The following EXOC6B variants were observed in gnomAD, a reference collection of about 807,000 sequenced individuals.
The protein encoded by EXOC6B is SEC15 homolog B.
Under a neutral mutation model 113.5 loss-of-function variants are expected in EXOC6B, and 54 were observed. The observed-to-expected ratio is 0.48, with a 90% confidence interval of 0.38 to 0.60. The LOEUF (loss-of-function observed/expected upper bound fraction) is 0.60. Ranked by LOEUF, EXOC6B falls within the 20% of genes least tolerant of loss-of-function variation. EXOC6B has a pLI of 0.00. For synonymous variants in EXOC6B, 357 were observed against 339.0 expected, an observed-to-expected ratio of 1.05 and a Z score of -0.58; for missense variants, 797 against 977.5, an observed-to-expected ratio of 0.82 and a Z score of 2.46.
intron 20 of EXOC6B, among the ~76,000 whole-genome samples, chr2:72,210,290 G>C (rs1680106693): frequency 6.6e-6 from 1 of 152,186 alleles, no homozygotes; most frequent in African/African-American, 2.4e-5. Flanking sequence ...AATTAATTAA[G>C]GAGCCAGATC....
At chr2:72,680,488 C>T (rs139906123) in intron 6 of EXOC6B, among the ~76,000 whole-genome samples, 5 of 152,238 alleles carry the variant, frequency 3.3e-5, no homozygotes, top group Middle Eastern at 3.4e-3. Context: ...GCCTGTAATC[C>T]CAGCACTTTG....
In EXOC6B at chr2:72,825,890, C is replaced by T. The variant is rs1163615292; in HGVS notation, c.21G>A (p.Ala7=). ...CCGCTGTCTCCAGGCTCTCCGCCTC[C>T]GCCATCTTACCCCGCTCCATAGACT... The part of the protein sequence containing the change: MERGKM[A]EAESLETAAE... Residue 7 remains alanine, a synonymous_variant, in exon 1 of 22, where the codon GCG becomes GCA. Transcript: ENST00000272427. The surrounding 1 kb of genome is among the most constrained non-coding windows in gnomAD (Gnocchi z 4.4). 1 of 1,613,246 alleles carries T rather than the reference C, an allele frequency of 6.2e-7. No homozygotes were observed. Among genetic ancestry groups the T allele is most frequent in the Non-Finnish European group, 8.5e-7 (1 of 1,179,716 alleles).
intron 11 of EXOC6B, among the ~76,000 whole-genome samples, chr2:72,505,612 T>TA (rs1459275568): frequency 6.6e-6 from 1 of 152,162 alleles, no homozygotes; most frequent in Non-Finnish European, 1.5e-5. Flanking sequence ...GACACTAAAT[T>TA]AAATCTATAG....
At chr2:72,179,603 C>T in intron 21 of EXOC6B, 142 bp from the exon 22 acceptor site, 1 of 945,124 alleles carries the variant, frequency 1.1e-6, no homozygotes, top group Non-Finnish European at 1.6e-6. Context: ...CTGTCAGGCC[C>T]ACACTCACCT....
intron 20 of EXOC6B, among the ~76,000 whole-genome samples, chr2:72,270,038 A>T (rs532734030): frequency 3.9e-4 from 60 of 152,186 alleles, no homozygotes; most frequent in African/African-American, 1.3e-3. Flanking sequence ...AGCCTCCCAG[A>T]TGTGCCCCAA....
intron 6 of EXOC6B, among the ~76,000 whole-genome samples, chr2:72,642,931 A>T (rs1264767713): frequency 6.7e-6 from 1 of 149,054 alleles, no homozygotes; most frequent in Non-Finnish European, 1.5e-5. Flanking sequence ...AAAAACAAAC[A>T]ACCCCATCAA....
intron 6 of EXOC6B, among the ~76,000 whole-genome samples, chr2:72,594,567 T>C (rs1669947856): frequency 6.6e-6 from 1 of 152,234 alleles, no homozygotes; most frequent in African/African-American, 2.4e-5. Context: ...CAATTATATA[T>C]GTTTGGAGAA....
At position 72,623,689 on chromosome 2, in the gene EXOC6B, T is replaced by A. The variant is rs141774207; in HGVS notation, c.670-48021A>T. 3.7e-4 allele frequency among the ~76,000 whole-genome samples: 56 copies of A among 152,312 alleles called. 1 individual carries two copies. The highest frequency in any genetic ancestry group is 1.3e-3 in the African/African-American group (56 of 41,566). ...GTCAATGACCCAGCTGACCAGCACCTTAATTAGACTCAACCACTGAGTTAT... is the reference window on the plus strand; with the variant it reads ...GTCAATGACCCAGCTGACCAGCACCATAATTAGACTCAACCACTGAGTTAT... On this transcript the variant is annotated intron_variant, in intron 6 of 21. Transcript: ENST00000272427.
intron 1 of EXOC6B, among the ~76,000 whole-genome samples, chr2:72,751,636 C>T (rs1682051016): frequency 6.6e-6 from 1 of 151,888 alleles, no homozygotes; most frequent in African/African-American, 2.4e-5. Context: ...AGAATAAAAA[C>T]TATAACAACT....
intron 20 of EXOC6B, among the ~76,000 whole-genome samples, chr2:72,253,320 T>C (rs1683141980): frequency 6.6e-6 from 1 of 152,210 alleles, no homozygotes; most frequent in Non-Finnish European, 1.5e-5. Flanking sequence ...AGAATTACCA[T>C]TAGACCCAGC....
chr2:72,181,960 T>C (rs1678115375), intron 21 of EXOC6B, among the ~76,000 whole-genome samples: 1 of 152,212 alleles, frequency 6.6e-6, no homozygotes, highest in South Asian at 2.1e-4. Context: ...TTTCCCTCAA[T>C]GTCTTTAGCA....
At chr2:72,636,309 CAGGGAGGG>C (rs369532977) in intron 6 of EXOC6B, among the ~76,000 whole-genome samples, 1 of 71,832 alleles carries the variant, frequency 1.4e-5, no homozygotes, top group African/African-American at 5.0e-5. Context: ...GGGAGGGAGG[CAGGGAGGG>C]AGGGAGGGAA....
intron 6 of EXOC6B, among the ~76,000 whole-genome samples, chr2:72,708,527 A>G (rs1679040412): frequency 6.6e-6 from 1 of 152,194 alleles, no homozygotes; most frequent in African/African-American, 2.4e-5. Context: ...AAAAGCCAAA[A>G]CAATGGAGGT....
At chr2:72,451,654 CTGTGTGTG>C (rs141514102) in intron 18 of EXOC6B, among the ~76,000 whole-genome samples, 7 of 142,496 alleles carry the variant, frequency 4.9e-5, no homozygotes, top group Admixed American at 7.1e-5. Flanking sequence ...GTCTTTGTGC[CTGTGTGTG>C]TGTGTGTGTG....
chr2:72,444,241 C>T (rs772937448), intron 18 of EXOC6B, among the ~76,000 whole-genome samples: 2 of 152,248 alleles, frequency 1.3e-5, no homozygotes, highest in Non-Finnish European at 2.9e-5. Flanking sequence ...CCATGTCTCA[C>T]ATCCAGGTCA....
chr2:72,822,680 G>GGATA (rs35269164), intron 1 of EXOC6B, among the ~76,000 whole-genome samples: 138,561 of 151,910 alleles, frequency 0.91, 63,226 homozygotes, highest in Middle Eastern at 0.93. Context: ...GGTATTTTAG[G>GGATA]GATATACTAA....
rs143625641 is a variant in EXOC6B, at chr2:72,289,540, T to C, written c.2196+45407A>G. Among the ~76,000 whole-genome samples, 800 of 152,250 alleles carry C rather than the reference T, an allele frequency of 5.3e-3. 12 individuals are homozygous for C. The highest frequency in any genetic ancestry group is 0.018 in the African/African-American group (738 of 41,540). ...GCTGGGTGCTGTGAGTGTGTGTCTG[T>C]GTGTGTATGTGTGTGTGTATTTTTT... On this transcript the variant is annotated intron_variant, in intron 20 of 21. Coordinates refer to ENST00000272427, the MANE Select transcript of EXOC6B (RefSeq NM_015189.3).
intron 2 of EXOC6B, among the ~76,000 whole-genome samples, chr2:72,734,413 C>T (rs923135808): frequency 2.0e-5 from 3 of 152,070 alleles, no homozygotes; most frequent in African/African-American, 7.2e-5. Context: ...TAAAGCCGTC[C>T]AAAATGCACA....
intron 6 of EXOC6B, among the ~76,000 whole-genome samples, chr2:72,621,243 T>C (rs1006490213): frequency 2.0e-5 from 3 of 152,098 alleles, no homozygotes; most frequent in Admixed American, 1.3e-4. Context: ...AGTAAAGACA[T>C]GGAATCAATC....
Sources: allele counts gnomAD v4.1 joint callset (sites outside exome capture counted in the v4.1 genomes callset), GRCh38; gene constraint gnomAD v4.1.1; non-coding constraint Gnocchi (gnomAD v3.1); transcripts MANE v1.5; gene names NCBI Gene and HGNC (gene_info 2026-07-23, HGNC 2026-07-21).